The following SYNDIG1 variants were observed in gnomAD, a reference collection of about 807,000 sequenced individuals.
SYNDIG1 encodes the protein synapse differentiation inducing 1.
A neutral mutation model predicts 19.4 loss-of-function variants in SYNDIG1; 9 were observed. That is an observed-to-expected ratio of 0.46 (90% CI 0.28 to 0.81). The LOEUF is 0.81. SYNDIG1 is among the 30% of genes least tolerant of loss of function. The probability of loss-of-function intolerance (pLI) is 0.12; values close to 1 mark genes in which losing one functional copy is unlikely to be tolerated. For synonymous variants in SYNDIG1, 141 were observed against 145.9 expected, an observed-to-expected ratio of 0.97 and a Z score of 0.24; for missense variants, 311 against 343.3, an observed-to-expected ratio of 0.91 and a Z score of 0.74.
intron 3 of SYNDIG1, among the ~76,000 whole-genome samples, chr20:24,618,448 C>T (rs2058983440): frequency 6.6e-6 from 1 of 152,100 alleles, no homozygotes; most frequent in Non-Finnish European, 1.5e-5. Flanking sequence ...GCCTCGTGGG[C>T]ACCACGGGGC....
At chr20:24,548,829 GT>G (rs2057644185) in intron 2 of SYNDIG1, among the ~76,000 whole-genome samples, 2 of 152,300 alleles carry the variant, frequency 1.3e-5, no homozygotes, top group African/African-American at 4.8e-5. Context: ...GAAAGGTGAT[GT>G]TTTTGTAGTT....
intron 1 of SYNDIG1, among the ~76,000 whole-genome samples, chr20:24,540,621 G>A (rs966890872): frequency 6.6e-6 from 1 of 152,104 alleles, no homozygotes; most frequent in Admixed American, 6.5e-5. Flanking sequence ...TTAGTAGAAA[G>A]GCATTAAATT....
At chr20:24,498,331 C>G (rs2056351434) in intron 1 of SYNDIG1, among the ~76,000 whole-genome samples, 1 of 152,154 alleles carries the variant, frequency 6.6e-6, no homozygotes, top group African/African-American at 2.4e-5. Flanking sequence ...AACATAAGGT[C>G]TACCCTCTTA....
chr20:24,644,580 G>A (rs1286867279), intron 3 of SYNDIG1, among the ~76,000 whole-genome samples: 1 of 152,204 alleles, frequency 6.6e-6, no homozygotes, highest in African/African-American at 2.4e-5. Flanking sequence ...GAGCTGCAAT[G>A]TAAGAAATCT....
chr20:24,560,063 C>CTTTTTTTTTTTTT lies in SYNDIG1; in HGVS notation c.480+16502_480+16514dup, dbSNP rs60892856. 5.1e-4 allele frequency among the ~76,000 whole-genome samples: 22 copies of CTTTTTTTTTTTTT among 43,062 alleles called. 9 individuals carry two copies. The highest frequency in any genetic ancestry group is 2.4e-3 in the African/African-American group (16 of 6,684). The allele number at this position is 43,062 out of a possible 152,430, so 28.3% of individuals were successfully genotyped here. A position where few individuals can be genotyped will look rare whatever the true frequency, so the allele number is the denominator to read the frequency against. On this transcript the variant is annotated intron_variant, in intron 2 of 3. Coordinates refer to ENST00000376862, the MANE Select transcript of SYNDIG1 (RefSeq NM_024893.3). ...TTTTTTTTAACATTTCTCTCCTCTC[C>CTTTTTTTTTTTTT]TTTTTTTTTTTTTTTTTTTTTTTTT... is the stretch of plus-strand genomic sequence containing the variant.
intron 2 of SYNDIG1, among the ~76,000 whole-genome samples, chr20:24,557,898 C>G (rs367602244): frequency 3.3e-5 from 5 of 152,190 alleles, no homozygotes; most frequent in Non-Finnish European, 7.3e-5. Flanking sequence ...AGCTGTAGAC[C>G]GGAGCTGTTC....
At chr20:24,583,072 G>A (rs955296984) in intron 2 of SYNDIG1, among the ~76,000 whole-genome samples, 2 of 152,068 alleles carry the variant, frequency 1.3e-5, no homozygotes, top group East Asian at 3.8e-4. Flanking sequence ...GGGAGCCTCA[G>A]GTCTCACTGC....
chr20:24,639,478 C>T (rs73347208), intron 3 of SYNDIG1, among the ~76,000 whole-genome samples: 4,653 of 152,272 alleles, frequency 0.031, 220 homozygotes, highest in Admixed American at 0.089. Context: ...TCGGCATCTC[C>T]GGGGATGGGA....
At chr20:24,541,402 C>A (rs1326787961) in intron 1 of SYNDIG1, among the ~76,000 whole-genome samples, 1 of 152,216 alleles carries the variant, frequency 6.6e-6, no homozygotes, top group African/African-American at 2.4e-5. Flanking sequence ...GTTAGTAACT[C>A]CCCAGGAGAG....
chr20:24,567,837 T>C (rs531214547), intron 2 of SYNDIG1, among the ~76,000 whole-genome samples: 12 of 152,304 alleles, frequency 7.9e-5, no homozygotes, highest in African/African-American at 2.6e-4. Flanking sequence ...GTGTCTGCAG[T>C]TGCTAGAAAT....
intron 3 of SYNDIG1, among the ~76,000 whole-genome samples, chr20:24,638,059 T>C (rs6049825): frequency 0.9 from 137,095 of 152,258 alleles, 61,969 homozygotes; most frequent in African/African-American, 0.98. Context: ...CACTGCATCA[T>C]TTAGCCTCAC....
At chr20:24,566,595 T>A (rs2058046772) in intron 2 of SYNDIG1, among the ~76,000 whole-genome samples, 1 of 152,134 alleles carries the variant, frequency 6.6e-6, no homozygotes, top group Non-Finnish European at 1.5e-5. Context: ...TTGGCTGCAA[T>A]CACTAATCAC....
intron 3 of SYNDIG1, among the ~76,000 whole-genome samples, chr20:24,593,969 C>G (rs2058554077): frequency 6.6e-6 from 1 of 152,024 alleles, no homozygotes; most frequent in African/African-American, 2.4e-5. Flanking sequence ...ATATTTTCTC[C>G]CATTCTGTAG....
chr20:24,476,510 A>G (rs1037303299), intron 1 of SYNDIG1, among the ~76,000 whole-genome samples: 1 of 152,044 alleles, frequency 6.6e-6, no homozygotes, highest in Non-Finnish European at 1.5e-5. Flanking sequence ...TCTACCAAAA[A>G]TAACAAAAAA....
rs150138584 is a variant in SYNDIG1 at position 24,584,435 on chromosome 20, G to A, written c.481-421G>A. On this transcript the variant is annotated intron_variant, in intron 2 of 3. Transcript: ENST00000376862. The stretch of plus-strand genomic sequence containing the variant: ...CTCCAGTCCATCCTCAGAACACACC[G>A]ACAGTGCATGGTGGCAACGGGGCCA... Among the ~76,000 whole-genome samples the A allele has an allele frequency of 2.3e-3, 348 of 152,286 alleles. 1 individual carries two copies. Among genetic ancestry groups the A allele is most frequent in the African/African-American group, 7.8e-3 (324 of 41,542 alleles).
chr20:24,469,954 C>T (rs1051790198), intron 1 of SYNDIG1, among the ~76,000 whole-genome samples: 4 of 151,122 alleles, frequency 2.6e-5, no homozygotes, highest in Non-Finnish European at 4.4e-5. Flanking sequence ...CGCGACGAGA[C>T]TTGGGAGACA....
At chr20:24,534,286 G>A (rs180680097) in intron 1 of SYNDIG1, among the ~76,000 whole-genome samples, 2 of 152,206 alleles carry the variant, frequency 1.3e-5, no homozygotes, top group Admixed American at 1.3e-4. Context: ...AGAAGCAGGG[G>A]GCCCCCTCCT....
At chr20:24,662,133 A>G (rs2059610164) in intron 3 of SYNDIG1, among the ~76,000 whole-genome samples, 1 of 151,782 alleles carries the variant, frequency 6.6e-6, no homozygotes, top group Non-Finnish European at 1.5e-5. Context: ...CGGTGGTACG[A>G]GGTGGCTGGA....
intron 3 of SYNDIG1, among the ~76,000 whole-genome samples, chr20:24,622,425 G>T (rs1203108982): frequency 6.6e-6 from 1 of 152,204 alleles, no homozygotes; most frequent in Non-Finnish European, 1.5e-5. Flanking sequence ...CCAGGCCACA[G>T]ACCAGTACTG....
Sources: gnomAD v4.1 joint callset for allele counts (sites outside exome capture counted in the v4.1 genomes callset) on GRCh38, gnomAD v4.1.1 for gene constraint, MANE v1.5 for transcripts, NCBI Gene and HGNC (gene_info 2026-07-23, HGNC 2026-07-21) for gene names.